The following SIL1 variants were observed in gnomAD, a reference collection of about 807,000 sequenced individuals.
SIL1 encodes SIL1 nucleotide exchange factor, also known as nucleotide exchange factor SIL1.
SIL1 carries 40 observed loss-of-function variants against 49.1 expected under a neutral mutation model. The ratio of observed to expected loss-of-function variants is 0.81; its 90% confidence interval spans 0.63 to 1.06. SIL1 has a LOEUF of 1.06. Ranked by LOEUF, SIL1 falls within the 50% of genes least tolerant of loss-of-function variation. The pLI, the probability that SIL1 is intolerant of heterozygous loss-of-function variation, is 0.00. For synonymous variants in SIL1, 253 were observed against 250.8 expected (o/e 1.01, Z -0.08); for missense variants, 500 against 572.6 (o/e 0.87, Z 1.29).
chr5:139,013,522 C>G (rs1768330231), intron 7 of SIL1: 2 of 152,174 alleles, frequency 1.3e-5, no homozygotes, highest in African/African-American at 2.4e-5. Flanking sequence ...TGTTTTGTAT[C>G]TCTTAGGATT....
At chr5:139,062,379 G>T (rs1246586741) in intron 3 of SIL1, among the ~76,000 whole-genome samples, 1 of 152,124 alleles carries the variant, frequency 6.6e-6, no homozygotes, top group East Asian at 1.9e-4. Flanking sequence ...CTGAATCACA[G>T]AGAATCTAGA....
At chr5:139,153,720 A>G (rs1751352509) in intron 1 of SIL1, among the ~76,000 whole-genome samples, 1 of 152,216 alleles carries the variant, frequency 6.6e-6, no homozygotes, top group East Asian at 1.9e-4. Flanking sequence ...TACAAAGGTG[A>G]CTATGCTCCC....
At chr5:139,004,191 G>A (rs1272341021) in intron 7 of SIL1, among the ~76,000 whole-genome samples, 1 of 152,138 alleles carries the variant, frequency 6.6e-6, no homozygotes, top group Non-Finnish European at 1.5e-5. Flanking sequence ...TTTTGAGATA[G>A]GGTCTTGTTA....
At chr5:139,183,527 C>T (rs995197576) in intron 1 of SIL1, among the ~76,000 whole-genome samples, 4 of 152,164 alleles carry the variant, frequency 2.6e-5, no homozygotes, top group African/African-American at 7.2e-5. Context: ...GCCAGTGCTC[C>T]TAATGGAGGT....
At chr5:138,957,611 T>G (rs956736414) in intron 7 of SIL1, among the ~76,000 whole-genome samples, 2 of 152,064 alleles carry the variant, frequency 1.3e-5, no homozygotes, top group Non-Finnish European at 1.5e-5. Context: ...AATGACTTAC[T>G]GGAAAGCTGC....
At chr5:138,983,338 C>T (rs1767573520) in intron 7 of SIL1, among the ~76,000 whole-genome samples, 1 of 149,546 alleles carries the variant, frequency 6.7e-6, no homozygotes, top group African/African-American at 2.5e-5. Flanking sequence ...GAAAGCCTTT[C>T]TCTACTATAA....
intron 7 of SIL1, among the ~76,000 whole-genome samples, chr5:138,971,492 C>G (rs939508948): frequency 6.6e-6 from 1 of 152,196 alleles, no homozygotes; most frequent in African/African-American, 2.4e-5. Context: ...GTGAGGAGTT[C>G]CCCCAGCAGC....
chr5:139,154,405 C>G (rs994182855), intron 1 of SIL1, among the ~76,000 whole-genome samples: 1 of 152,224 alleles, frequency 6.6e-6, no homozygotes, highest in African/African-American at 2.4e-5. Flanking sequence ...GACCCTCTGG[C>G]CTGCCCTTTC....
intron 5 of SIL1, among the ~76,000 whole-genome samples, chr5:139,040,196 C>G (rs1047394468): frequency 6.6e-6 from 1 of 152,096 alleles, no homozygotes; most frequent in Non-Finnish European, 1.5e-5. Flanking sequence ...TAAGAAACTC[C>G]CCAACCAATT....
intron 6 of SIL1, among the ~76,000 whole-genome samples, 184 bp from the exon 7 acceptor site, chr5:139,021,476 C>G (rs1768526368): frequency 6.6e-6 from 1 of 152,168 alleles, no homozygotes; most frequent in Admixed American, 6.5e-5. Context: ...TTTGAGAACT[C>G]CTAATTCATC....
chr5:139,166,872 A>C lies in SIL1; in HGVS notation c.-11+31397T>G, dbSNP rs528342467. The stretch of plus-strand genomic sequence containing the variant: ...CGCCCAGGCTGGAGTGCAGTGGCAC[A>C]ATCTCAGCTCACTGCAAGCTCTGCC... On this transcript the variant is annotated intron_variant, in intron 1 of 9. Transcript: ENST00000394817. 7.2e-5 allele frequency among the ~76,000 whole-genome samples: 11 copies of C among 152,190 alleles called. No individual in the cohort carries two copies. The East Asian group carries it at 1.4e-3, about 19-fold the overall frequency.
intron 3 of SIL1, among the ~76,000 whole-genome samples, chr5:139,105,237 G>T (rs1770674847): frequency 6.6e-6 from 1 of 152,156 alleles, no homozygotes; most frequent in Non-Finnish European, 1.5e-5. Context: ...GTGGTGGTCG[G>T]CAACTGGAAG....
chr5:139,139,954 C>A (rs1394558905), intron 1 of SIL1, among the ~76,000 whole-genome samples: 1 of 152,128 alleles, frequency 6.6e-6, no homozygotes, highest in Non-Finnish European at 1.5e-5. Context: ...CATGGTGAAA[C>A]CTCATCTCTA....
intron 7 of SIL1, among the ~76,000 whole-genome samples, chr5:138,988,663 G>A (rs552305525): frequency 4.6e-5 from 7 of 152,228 alleles, no homozygotes; most frequent in Middle Eastern, 3.4e-3. Flanking sequence ...TGATATTCAA[G>A]ATACAGTGCT....
chr5:138,976,938 AGAGCTTCTCACACATCCT>A (rs1398743693), intron 7 of SIL1, among the ~76,000 whole-genome samples: 2 of 152,148 alleles, frequency 1.3e-5, no homozygotes. Context: ...TGACTCTCTG[AGAGCTTCTCACACATCCT>A]GAGCTTCTCA....
intron 1 of SIL1, among the ~76,000 whole-genome samples, chr5:139,147,846 CT>C (rs1751222509): frequency 6.6e-6 from 1 of 152,148 alleles, no homozygotes; most frequent in East Asian, 1.9e-4. Flanking sequence ...AATTAAATTC[CT>C]TAAGATCCTT....
intron 7 of SIL1, among the ~76,000 whole-genome samples, chr5:139,018,257 A>G (rs1395245951): frequency 2.0e-5 from 3 of 152,202 alleles, no homozygotes; most frequent in Non-Finnish European, 4.4e-5. Flanking sequence ...TTATTAAGCA[A>G]TTAACCCAAG....
At chr5:139,151,661 C>T in intron 1 of SIL1, among the ~76,000 whole-genome samples, 1 of 152,296 alleles carries the variant, frequency 6.6e-6, no homozygotes. Context: ...TGCCCAGCAA[C>T]AGGACTGTGA....
At chr5:139,187,502 A>G (rs1239039371) in intron 1 of SIL1, among the ~76,000 whole-genome samples, 1 of 148,446 alleles carries the variant, frequency 6.7e-6, no homozygotes, top group African/African-American at 2.5e-5. Flanking sequence ...GGGGCAACAG[A>G]GCAAGACTCC....
Sources: gnomAD v4.1 joint callset for allele counts (sites outside exome capture counted in the v4.1 genomes callset) on GRCh38, gnomAD v4.1.1 for gene constraint, MANE v1.5 for transcripts, NCBI Gene and HGNC (gene_info 2026-07-23, HGNC 2026-07-21) for gene names.